The following LRRC4C variants were observed in gnomAD, a reference collection of about 807,000 sequenced individuals.
LRRC4C encodes the protein leucine-rich repeat-containing protein 4C.
A neutral mutation model predicts 33.6 loss-of-function variants in LRRC4C; 5 were observed. That is an observed-to-expected ratio of 0.15 (90% CI 0.08 to 0.31). The LOEUF (loss-of-function observed/expected upper bound fraction) is 0.31. Ranked by LOEUF, LRRC4C falls within the 10% of genes least tolerant of loss-of-function variation. The pLI is 1.00. For synonymous variants in LRRC4C, 329 were observed against 302.0 expected, an observed-to-expected ratio of 1.09 and a Z score of -0.93; for missense variants, 560 against 796.7, an observed-to-expected ratio of 0.70 and a Z score of 3.58.
chr11:40,465,852 G>A (rs1565416368), intron 3 of LRRC4C, among the ~76,000 whole-genome samples: 1 of 151,984 alleles, frequency 6.6e-6, no homozygotes, highest in Non-Finnish European at 1.5e-5. Context: ...AACCTCTATG[G>A]ACAACAGTGT....
At chr11:40,615,265 T>TATATATATATATATATAC (rs1490740198) in intron 3 of LRRC4C, among the ~76,000 whole-genome samples, 47 of 53,398 alleles carry the variant, frequency 8.8e-4, no homozygotes, top group East Asian at 1.9e-3. Context: ...TATATATATA[T>TATATATATATATATATAC]ACACACACAC....
At chr11:41,342,984 T>C (rs545451963) in intron 1 of LRRC4C, among the ~76,000 whole-genome samples, 1 of 152,334 alleles carries the variant, frequency 6.6e-6, no homozygotes, top group East Asian at 1.9e-4. Flanking sequence ...AACCTTTCCT[T>C]GTGTTAACAT....
intron 1 of LRRC4C, among the ~76,000 whole-genome samples, chr11:41,414,382 T>A (rs1169976896): frequency 1.3e-5 from 2 of 152,152 alleles, no homozygotes; most frequent in Non-Finnish European, 2.9e-5. Flanking sequence ...AGAGCTCTCT[T>A]TTATAGGTGG....
chr11:41,426,749 C>A (rs117144972), intron 1 of LRRC4C, among the ~76,000 whole-genome samples: 1,677 of 152,214 alleles, frequency 0.011, 16 homozygotes, highest in Non-Finnish European at 0.017. Context: ...CTTGTCAGTT[C>A]TTTGCTCCTC....
chr11:40,188,821 A>T (rs114169058), intron 5 of LRRC4C, among the ~76,000 whole-genome samples: 58,574 of 151,812 alleles, frequency 0.39, 12,724 homozygotes, highest in South Asian at 0.54. Context: ...ACATGAAATG[A>T]AAAGGATGCA....
In LRRC4C at chr11:40,431,382, G is replaced by A. The variant is rs1463077381; in HGVS notation, c.-269-111661C>T. Among the ~76,000 whole-genome samples, 14 of 116,230 alleles carry A rather than the reference G, an allele frequency of 1.2e-4. No homozygotes were observed. In the South Asian group the frequency reaches 1.6e-3, roughly 13 times the overall value. The allele number at this position is 116,230 out of a possible 152,430, so 76.3% of individuals were successfully genotyped here. ...TGCACCCCAGCCTGAGTGACAGGGC[G>A]AGACTCTGTCTCAAAAAAAAAAAAA... On this transcript the variant is annotated intron_variant, in intron 3 of 6. Transcript: ENST00000528697.
intron 1 of LRRC4C, among the ~76,000 whole-genome samples, chr11:41,034,742 G>C (rs924236093): frequency 6.8e-6 from 1 of 147,988 alleles, no homozygotes; most frequent in South Asian, 2.1e-4. Context: ...CGGCTATACA[G>C]TCTGATTTCA....
At chr11:40,877,492 C>A (rs528492772) in intron 2 of LRRC4C, among the ~76,000 whole-genome samples, 2 of 152,146 alleles carry the variant, frequency 1.3e-5, no homozygotes, top group African/African-American at 4.8e-5. Flanking sequence ...TCCTGTCTAA[C>A]AGTTGCCCTT....
intron 2 of LRRC4C, among the ~76,000 whole-genome samples, chr11:40,889,091 C>T (rs138943679): frequency 3.9e-5 from 6 of 152,060 alleles, no homozygotes; most frequent in Admixed American, 2.6e-4. Flanking sequence ...GGAACTCATG[C>T]TAATAAAATA....
chr11:40,394,317 T>G (rs1194540409), intron 3 of LRRC4C, among the ~76,000 whole-genome samples: 3 of 152,160 alleles, frequency 2.0e-5, no homozygotes, highest in Non-Finnish European at 4.4e-5. Flanking sequence ...GCAGAATAAC[T>G]TTTCCTTCTA....
At chr11:40,366,668 C>T (rs571824832) in intron 3 of LRRC4C, among the ~76,000 whole-genome samples, 2 of 152,024 alleles carry the variant, frequency 1.3e-5, no homozygotes, top group Admixed American at 1.3e-4. Context: ...TATACAAACA[C>T]ATATATGGCA....
intron 2 of LRRC4C, among the ~76,000 whole-genome samples, chr11:40,670,639 T>C (rs557985930): frequency 1.3e-5 from 2 of 152,124 alleles, no homozygotes; most frequent in Non-Finnish European, 2.9e-5. Context: ...AGTTGCTAGA[T>C]GTAGGGAAAA....
chr11:41,406,939 T>A (rs976897270), intron 1 of LRRC4C, among the ~76,000 whole-genome samples: 3 of 152,106 alleles, frequency 2.0e-5, no homozygotes, highest in Non-Finnish European at 4.4e-5. Context: ...TTTGGTGGCA[T>A]GTAAAAAAAA....
chr11:40,709,910 C>A (rs192591024), intron 2 of LRRC4C, among the ~76,000 whole-genome samples: 42 of 152,022 alleles, frequency 2.8e-4, no homozygotes, highest in Admixed American at 1.8e-3. Flanking sequence ...TTTCTCTAAA[C>A]TTCTTTTCTC....
At chr11:40,808,001 GT>G (rs1436912800) in intron 2 of LRRC4C, among the ~76,000 whole-genome samples, 1 of 152,042 alleles carries the variant, frequency 6.6e-6, no homozygotes, top group Non-Finnish European at 1.5e-5. Flanking sequence ...CTAATTACCA[GT>G]TTTTTTATCA....
At position 40,355,026 on chromosome 11, in the gene LRRC4C, A is replaced by C. The variant is rs977401096; in HGVS notation, c.-269-35305T>G. ...GTCTTTGTGCCACTGATGTTTATTC[A>C]AGTCCCAAAGGCTGCTTAATCAACA... On this transcript the variant is annotated intron_variant, in intron 3 of 6. Coordinates refer to ENST00000528697, the MANE Select transcript of LRRC4C (RefSeq NM_001258419.2). Among the ~76,000 whole-genome samples the C allele has an allele frequency of 3.9e-5, 6 of 152,210 alleles. No individual in the cohort carries two copies. In the South Asian group the frequency reaches 1.2e-3, roughly 32 times the overall value.
intron 2 of LRRC4C, among the ~76,000 whole-genome samples, chr11:40,760,651 C>T (rs1301233273): frequency 6.6e-6 from 1 of 150,760 alleles, no homozygotes; most frequent in Non-Finnish European, 1.5e-5. Flanking sequence ...CACTCTGTCA[C>T]CCAGGCTGAA....
At chr11:40,720,805 T>G (rs559252365) in intron 2 of LRRC4C, among the ~76,000 whole-genome samples, 2 of 152,236 alleles carry the variant, frequency 1.3e-5, no homozygotes, top group Admixed American at 6.5e-5. Context: ...CTTGGTGATT[T>G]ATAGTATGAT....
chr11:40,537,090 G>C (rs12575623), intron 3 of LRRC4C, among the ~76,000 whole-genome samples: 14,349 of 152,192 alleles, frequency 0.094, 801 homozygotes, highest in Middle Eastern at 0.15. Context: ...TAGCCATGGG[G>C]GGAATTAATG....
Sources: gnomAD v4.1 joint callset for allele counts (sites outside exome capture counted in the v4.1 genomes callset) on GRCh38, gnomAD v4.1.1 for gene constraint, MANE v1.5 for transcripts, NCBI Gene and HGNC (gene_info 2026-07-23, HGNC 2026-07-21) for gene names.